The following TANC2 variants were observed in gnomAD, a reference collection of about 807,000 sequenced individuals.
TANC2 encodes the protein tetratricopeptide repeat, ankyrin repeat and coiled-coil containing 2, also known as protein TANC2.
TANC2 carries 26 observed loss-of-function variants against 210.5 expected under a neutral mutation model. The observed-to-expected ratio is 0.12, with a 90% CI of 0.09 to 0.17. The LOEUF (loss-of-function observed/expected upper bound fraction) is 0.17, where lower values mean the gene tolerates loss of function less well. Ranked by LOEUF, TANC2 falls within the 10% of genes least tolerant of loss-of-function variation. The pLI is 1.00. For missense variants in TANC2, 2,129 were observed against 2,608.9 expected (o/e 0.82, Z 4.01); for synonymous variants, 931 against 967.1 (o/e 0.96, Z 0.69).
chr17:63,151,269 G>C lies in TANC2; in HGVS notation c.323-1G>C. On this transcript the variant is annotated splice_acceptor_variant, in intron 4 of 27. Transcript: ENST00000689528. LOFTEE classifies it high-confidence loss of function. ...TGCTCTCTCTCTCTTTTTGTTCTTA[G>C]CCCCTCTGAGGAAGGCAAAGTTTGT... The C allele has an allele frequency of 1.0e-6, 1 of 983,878 alleles. No homozygotes were observed. The highest frequency in any genetic ancestry group is 1.2e-6 in the Non-Finnish European group (1 of 829,298). The allele number at this position is 983,878 out of a possible 1,614,324, so 60.9% of individuals were successfully genotyped here. A position where few individuals can be genotyped will look rare whatever the true frequency, so the allele number is the denominator to read the frequency against.
chr17:63,084,152 A>G (rs191739696), intron 3 of TANC2, among the ~76,000 whole-genome samples: 3 of 152,298 alleles, frequency 2.0e-5, no homozygotes. Context: ...TACTGATTAA[A>G]TTTATTTAAT....
At chr17:63,366,199 T>G (rs1318652506) in intron 14 of TANC2, among the ~76,000 whole-genome samples, 1 of 152,178 alleles carries the variant, frequency 6.6e-6, no homozygotes, top group Non-Finnish European at 1.5e-5. Context: ...CCTCCTGCCA[T>G]GCCTCGGGAG....
At chr17:63,169,570 TA>T (rs1258485564) in intron 5 of TANC2, among the ~76,000 whole-genome samples, 2 of 152,198 alleles carry the variant, frequency 1.3e-5, no homozygotes, top group Non-Finnish European at 2.9e-5. Context: ...CTCATGCCTG[TA>T]ATCCCATCAC....
At chr17:63,206,850 A>C (rs923341347) in intron 7 of TANC2, among the ~76,000 whole-genome samples, 3 of 152,238 alleles carry the variant, frequency 2.0e-5, no homozygotes, top group Non-Finnish European at 2.9e-5. Context: ...TGAATTATAC[A>C]CTTAAAAATG....
intron 25 of TANC2, among the ~76,000 whole-genome samples, chr17:63,414,632 G>T (rs1486205077): frequency 6.6e-6 from 1 of 152,150 alleles, no homozygotes; most frequent in Non-Finnish European, 1.5e-5. Context: ...TGCCATTATT[G>T]TTCCCCTCAG....
chr17:63,308,043 G>T (rs997665754), intron 9 of TANC2, among the ~76,000 whole-genome samples: 8 of 152,074 alleles, frequency 5.3e-5, no homozygotes, highest in Non-Finnish European at 1.2e-4. Context: ...GGGATTACAG[G>T]GGTGAGCCAC....
rs558303818 is a variant in TANC2 at position 63,330,802 on chromosome 17, G to A, written c.1576-9299G>A. Among the ~76,000 whole-genome samples the A allele has an allele frequency of 7.9e-5, 12 of 152,270 alleles. No homozygotes were observed. In the South Asian group the frequency reaches 8.3e-4, roughly 11 times the overall value. ...TAAATATCTAAAATGTAGGCGGAGC[G>A]CGGTGGCTCCTGCCTGTAATCCTAG... On this transcript the variant is annotated intron_variant, in intron 11 of 27. Transcript: ENST00000689528.
intron 4 of TANC2, among the ~76,000 whole-genome samples, chr17:63,118,041 T>C (rs2038319004): frequency 6.6e-6 from 1 of 152,240 alleles, no homozygotes; most frequent in Admixed American, 6.5e-5. Context: ...AATTTTTCAA[T>C]GTAAATGTGA....
rs1163994301 is a variant in TANC2 at position 63,275,071 on chromosome 17, C to A, written c.1159+7198C>A. 3.3e-5 allele frequency among the ~76,000 whole-genome samples: 5 copies of A among 152,220 alleles called. No homozygotes were observed. The East Asian group carries it at 9.7e-4, about 29-fold the overall frequency. On this transcript the variant is annotated intron_variant, in intron 9 of 27. Transcript: ENST00000689528. Reference sequence around the variant, plus strand: ...GGGAACCAGGAGGAGTTAAAATATACAAGGCAAATTGTAGCATAGTGACTT... The same window carrying A: ...GGGAACCAGGAGGAGTTAAAATATAAAAGGCAAATTGTAGCATAGTGACTT...
At chr17:63,034,505 T>G (rs970055370) in intron 2 of TANC2, among the ~76,000 whole-genome samples, 1 of 152,188 alleles carries the variant, frequency 6.6e-6, no homozygotes, top group African/African-American at 2.4e-5. Context: ...TTAAGTCATA[T>G]TATTTAAGAA....
chr17:63,178,193 C>T (rs1190477427), intron 5 of TANC2, among the ~76,000 whole-genome samples: 1 of 152,048 alleles, frequency 6.6e-6, no homozygotes, highest in Non-Finnish European at 1.5e-5. Context: ...ATTAGCCGGG[C>T]GTGGTGGAGG....
At chr17:63,031,647 T>A (rs555685988) in intron 2 of TANC2, among the ~76,000 whole-genome samples, 109 of 152,264 alleles carry the variant, frequency 7.2e-4, no homozygotes, top group Non-Finnish European at 1.4e-3. Flanking sequence ...CTTCTTTCCT[T>A]CCTTTCTGTG....
At chr17:63,385,533 A>G (rs879832811) in intron 15 of TANC2, among the ~76,000 whole-genome samples, 8 of 152,234 alleles carry the variant, frequency 5.3e-5, no homozygotes, top group Admixed American at 3.3e-4. Context: ...TTAGTGATGT[A>G]TTTGCTTCAG....
At chr17:63,112,951 AG>A (rs1458900187) in intron 4 of TANC2, among the ~76,000 whole-genome samples, 2 of 152,100 alleles carry the variant, frequency 1.3e-5, no homozygotes, top group Non-Finnish European at 2.9e-5. Flanking sequence ...CATGGTCCCT[AG>A]GAAGTCTAAT....
chr17:63,075,890 G>T (rs1487746269), intron 3 of TANC2, among the ~76,000 whole-genome samples: 1 of 152,098 alleles, frequency 6.6e-6, no homozygotes. Context: ...AGTAAAAGAT[G>T]GGATGAGTAT....
chr17:62,978,096 G>C (rs2032114193), intron 1 of TANC2, among the ~76,000 whole-genome samples: 1 of 152,076 alleles, frequency 6.6e-6, no homozygotes, highest in South Asian at 2.1e-4. Flanking sequence ...TTTCCCAACT[G>C]ATGGATGTTA....
intron 7 of TANC2, among the ~76,000 whole-genome samples, chr17:63,226,773 G>GC (rs893333025): frequency 2.0e-5 from 3 of 151,958 alleles, no homozygotes; most frequent in Admixed American, 2.0e-4. Flanking sequence ...TCCCTGACAG[G>GC]CCCCAGTGGT....
At chr17:63,334,684 A>G (rs1465834373) in intron 11 of TANC2, among the ~76,000 whole-genome samples, 1 of 152,264 alleles carries the variant, frequency 6.6e-6, no homozygotes, top group Non-Finnish European at 1.5e-5. Context: ...GATATTTATT[A>G]ACTACAAAGG....
At chr17:63,358,387 G>A (rs1462409286) in intron 14 of TANC2, among the ~76,000 whole-genome samples, 1 of 149,730 alleles carries the variant, frequency 6.7e-6, no homozygotes, top group South Asian at 2.1e-4. Context: ...GTATGTGTGT[G>A]TGTGTGTGTG....
Sources: gnomAD v4.1 joint callset for allele counts (sites outside exome capture counted in the v4.1 genomes callset) on GRCh38, gnomAD v4.1.1 for gene constraint, MANE v1.5 for transcripts, NCBI Gene and HGNC (gene_info 2026-07-23, HGNC 2026-07-21) for gene names.